Variants in MLPH observed in about 807,000 individuals in gnomAD.
MLPH encodes melanophilin.
A neutral mutation model predicts 72.1 loss-of-function variants in MLPH; 51 were observed. The observed-to-expected ratio is 0.71, with a 90% CI of 0.56 to 0.89. The LOEUF (loss-of-function observed/expected upper bound fraction) is 0.89, where lower values mean the gene tolerates loss of function less well. MLPH is among the 40% of genes least tolerant of loss of function. The pLI, the probability that MLPH is intolerant of heterozygous loss-of-function variation, is 0.00. For synonymous variants in MLPH, 301 were observed against 310.1 expected, an observed-to-expected ratio of 0.97 and a Z score of 0.31; for missense variants, 743 against 759.9, an observed-to-expected ratio of 0.98 and a Z score of 0.26.
chr2:237,504,957 T>C (rs6724766), intron 2 of MLPH, among the ~76,000 whole-genome samples: 54,124 of 152,094 alleles, frequency 0.36, 12,832 homozygotes, highest in African/African-American at 0.68. Flanking sequence ...AGCAAGACAG[T>C]GCAAGCTTCA....
At chr2:237,521,805 AGCGGAGCAGGGCTGAGACTGGGGTTGGG>A (rs2080189092) in intron 6 of MLPH, among the ~76,000 whole-genome samples, 1 of 127,108 alleles carries the variant, frequency 7.9e-6, no homozygotes, top group African/African-American at 4.9e-5. Context: ...ATAGTGCTGG[AGCGGAGCAGGGCTGAGACTGGGGTTGGG>A]CCTTCAAACA....
intron 5 of MLPH, 22 bp downstream of exon 5, chr2:237,518,670 C>A (rs749457632): frequency 3.4e-5 from 53 of 1,577,100 alleles, no homozygotes; most frequent in Non-Finnish European, 4.3e-5. Context: ...CCAGCCACCC[C>A]CTCCTCAGCC....
At chr2:237,538,330 C>T (rs2080583747) in intron 9 of MLPH, among the ~76,000 whole-genome samples, 1 of 152,162 alleles carries the variant, frequency 6.6e-6, no homozygotes, top group Non-Finnish European at 1.5e-5. Flanking sequence ...CGGGGGTCCC[C>T]CAAATGTGGG....
intron 2 of MLPH, among the ~76,000 whole-genome samples, chr2:237,506,863 A>T (rs1364064895): frequency 6.6e-6 from 1 of 152,098 alleles, no homozygotes; most frequent in Admixed American, 6.5e-5. Flanking sequence ...TGAATTCTCC[A>T]CTTGCTTCTG....
chr2:237,549,690 G>A (rs1375397064), intron 14 of MLPH, among the ~76,000 whole-genome samples: 4 of 152,110 alleles, frequency 2.6e-5, no homozygotes, highest in Non-Finnish European at 4.4e-5. Flanking sequence ...GCACGTGGCC[G>A]GGCTCTTGGG....
rs151070956 is a variant in MLPH, at chr2:237,542,659, G to T, written c.1539G>T (p.Pro513=). The T allele has an allele frequency of 2.6e-6, 4 of 1,567,524 alleles. No individual in the cohort carries two copies. Among genetic ancestry groups the T allele is most frequent in the Non-Finnish European group, 3.5e-6 (4 of 1,156,540 alleles). ...SGKPRRKSNL[P]IFLPRVAGKL... ...AGCCCCGGAGGAAGTCAAACCTCCCGGTGAGTGGGGGGCAGTGGTGAGTGG... is the reference window on the plus strand; with the variant it reads ...AGCCCCGGAGGAAGTCAAACCTCCCTGTGAGTGGGGGGCAGTGGTGAGTGG... Residue 513 remains proline, a splice_region_variant and synonymous_variant, in exon 12 of 16, where the codon CCG becomes CCT. Coordinates refer to ENST00000264605, the MANE Select transcript of MLPH (RefSeq NM_024101.7).
intron 2 of MLPH, among the ~76,000 whole-genome samples, chr2:237,506,793 T>C (rs889090790): frequency 2.0e-5 from 3 of 152,214 alleles, no homozygotes; most frequent in African/African-American, 7.2e-5. Flanking sequence ...GAGGCAGAAA[T>C]TGGGCATAAG....
chr2:237,538,198 A>G (rs2080580096), intron 9 of MLPH, among the ~76,000 whole-genome samples: 1 of 152,190 alleles, frequency 6.6e-6, no homozygotes. Flanking sequence ...GGCAGGAAAC[A>G]CGCAACTGCT....
At chr2:237,492,399 A>T (rs2079444860) in intron 1 of MLPH, among the ~76,000 whole-genome samples, 1 of 151,896 alleles carries the variant, frequency 6.6e-6, no homozygotes, top group African/African-American at 2.4e-5. Context: ...AGGCCAAGGC[A>T]GAAGGATTAC....
In MLPH at chr2:237,510,169, C is replaced by T. The variant is rs762140316; in HGVS notation, c.111-405C>T. ...CCTGGGGCGTTAGCTCAACTCTTGC[C>T]CCCCTGCTGAAGGAGACCAAAACAA... On this transcript the variant is annotated intron_variant, in intron 2 of 15. Transcript: ENST00000264605. This position sits in a 1 kb window ranked among gnomAD's most constrained non-coding sequence, Gnocchi z 4.4. 5 of 310,032 alleles carry T rather than the reference C, an allele frequency of 1.6e-5. No homozygotes were observed. The highest frequency in any genetic ancestry group is 3.1e-5 in the Non-Finnish European group (5 of 160,646). 19.2% of individuals were successfully genotyped at this position (310,032 alleles called of 1,614,324 possible).
chr2:237,548,497 C>T (rs1018527512), intron 13 of MLPH, among the ~76,000 whole-genome samples: 31 of 152,222 alleles, frequency 2.0e-4, no homozygotes, highest in Non-Finnish European at 4.4e-4. Flanking sequence ...GTGTTAGCCA[C>T]AAGTGATCTT....
intron 4 of MLPH, among the ~76,000 whole-genome samples, chr2:237,517,435 GTGGATGGATGGATGCA>G (rs1432164358): frequency 8.0e-5 from 12 of 149,096 alleles, no homozygotes; most frequent in Non-Finnish European, 1.0e-4. Flanking sequence ...GAGTGGATAG[GTGGATGGATGGATGCA>G]TGGATGGATG....
At position 237,511,048 on chromosome 2, in the gene MLPH, G is replaced by T; in HGVS notation, c.392G>T (p.Arg131Met). Residue 131 changes from arginine to methionine, a missense_variant, in exon 4 of 16, where the codon AGG becomes ATG. Arg to Met is a moderately conservative substitution (Grantham distance 91). Coordinates refer to ENST00000264605, the MANE Select transcript of MLPH (RefSeq NM_024101.7). ...GAGCATGTGAAAGCCCGCTTCAAGA[G>T]GTTCGGAAGTGCCAAGGTCATCCGG... Reference protein sequence around the residue: ...YYEHVKARFKRFGSAKVIRSL... With the variant: ...YYEHVKARFKMFGSAKVIRSL... 1 of 1,614,020 alleles carries T rather than the reference G, an allele frequency of 6.2e-7. No individual in the cohort carries two copies. The highest frequency in any genetic ancestry group is 1.1e-5 in the South Asian group (1 of 91,076).
intron 15 of MLPH, among the ~76,000 whole-genome samples, chr2:237,552,677 T>C (rs1200934207): frequency 6.6e-6 from 1 of 152,246 alleles, no homozygotes; most frequent in Non-Finnish European, 1.5e-5. Context: ...ATATCTGCTG[T>C]CCACACACCC....
At chr2:237,500,935 C>T (rs966896940) in intron 2 of MLPH, among the ~76,000 whole-genome samples, 6 of 152,092 alleles carry the variant, frequency 3.9e-5, no homozygotes, top group Non-Finnish European at 7.3e-5. Flanking sequence ...CCACCCTCAC[C>T]GTCTTGTTGT....
chr2:237,501,886 AAC>A (rs2079659428), intron 2 of MLPH, among the ~76,000 whole-genome samples: 2 of 152,110 alleles, frequency 1.3e-5, no homozygotes, highest in Non-Finnish European at 2.9e-5. Flanking sequence ...TGTGTGTTAA[AAC>A]TTTTCCGCTC....
chr2:237,493,581 T>C (rs1183542405), intron 2 of MLPH, 45 bp downstream of exon 2: 1 of 1,458,426 alleles, frequency 6.9e-7, no homozygotes, highest in Non-Finnish European at 9.6e-7. Context: ...GTCCCTGATC[T>C]TCCCCCAGGG....
At chr2:237,542,133 G>A (rs534097127) in intron 11 of MLPH, among the ~76,000 whole-genome samples, 1 of 152,262 alleles carries the variant, frequency 6.6e-6, no homozygotes, top group South Asian at 2.1e-4. Context: ...ATTTCCAGAA[G>A]CTGCCCCCAG....
At chr2:237,552,521 A>C in intron 15 of MLPH, 84 bp downstream of exon 15, 1 of 1,154,876 alleles carries the variant, frequency 8.7e-7, no homozygotes, top group Non-Finnish European at 1.3e-6. Context: ...TCTTCAGAGC[A>C]AAGAAAATGG....
Sources: allele counts gnomAD v4.1 joint callset (sites outside exome capture counted in the v4.1 genomes callset), GRCh38; gene constraint gnomAD v4.1.1; non-coding constraint Gnocchi (gnomAD v3.1); transcripts MANE v1.5; gene names NCBI Gene and HGNC (gene_info 2026-07-23, HGNC 2026-07-21).